FAM20C: variants seen among roughly 807,000 people sequenced by gnomAD.
FAM20C encodes the protein FAM20C golgi associated secretory pathway kinase, also known as extracellular serine/threonine protein kinase FAM20C.
FAM20C carries 40 observed loss-of-function variants against 51.5 expected under a neutral mutation model. That is an observed-to-expected ratio of 0.78 (90% CI 0.60 to 1.01). FAM20C has a LOEUF of 1.01. Among genes scored for constraint, FAM20C ranks in the 50% least tolerant of loss-of-function variants. The pLI, the probability that FAM20C is intolerant of heterozygous loss-of-function variation, is 0.00. For synonymous variants in FAM20C, 406 were observed against 380.6 expected, an observed-to-expected ratio of 1.07 and a Z score of -0.78; for missense variants, 861 against 844.7, an observed-to-expected ratio of 1.02 and a Z score of -0.24.
chr7:258,321 C>T (rs375478953), intron 8 of FAM20C, among the ~76,000 whole-genome samples: 1 of 77,448 alleles, frequency 1.3e-5, no homozygotes, highest in African/African-American at 5.3e-5. Flanking sequence ...GGACCCACTG[C>T]CCGGGGTGCT....
intron 3 of FAM20C, among the ~76,000 whole-genome samples, chr7:224,052 ATTGCG>A (rs1787357549): frequency 7.0e-6 from 1 of 142,838 alleles, no homozygotes; most frequent in Non-Finnish European, 1.6e-5. Flanking sequence ...GCCTTCTCTC[ATTGCG>A]CAGAATGGCA....
Position 259,771 on chromosome 7 carries a change from AAGG to A in FAM20C, c.1552_1554del (p.Glu518del). Reference sequence around the variant, plus strand: ...CTACCTGCGTCTGCAGCTCCTGGCCAAGGAGGAGTACAAGCTGAGCCTGCTGAT... The same window carrying A: ...CTACCTGCGTCTGCAGCTCCTGGCCAAGGAGTACAAGCTGAGCCTGCTGAT... On this transcript the variant is annotated inframe_deletion, in exon 10 of 10. Coordinates refer to ENST00000313766, the MANE Select transcript of FAM20C (RefSeq NM_020223.4). 6.5e-7 allele frequency: 1 copy of A among 1,536,630 alleles called. No homozygotes were observed. Among genetic ancestry groups the A allele is most frequent in the Non-Finnish European group, 8.7e-7 (1 of 1,146,754 alleles).
chr7:209,617 GT>G (rs1786607028), intron 3 of FAM20C, among the ~76,000 whole-genome samples: 1 of 152,238 alleles, frequency 6.6e-6, no homozygotes, highest in Admixed American at 6.5e-5. Context: ...GGTGAGGGGT[GT>G]GTGGACACCT....
intron 3 of FAM20C, among the ~76,000 whole-genome samples, chr7:236,892 G>C (rs1351523238): frequency 6.8e-6 from 1 of 147,314 alleles, no homozygotes; most frequent in African/African-American, 2.6e-5. Context: ...GGCTCATCTG[G>C]ATGCGTGGCC....
intron 8 of FAM20C, among the ~76,000 whole-genome samples, chr7:257,641 C>T (rs557775867): frequency 1.2e-3 from 190 of 152,318 alleles, no homozygotes; most frequent in Middle Eastern, 6.8e-3. Context: ...TGTGGGCTGA[C>T]GCTCCCTGGA....
intron 3 of FAM20C, among the ~76,000 whole-genome samples, chr7:226,546 C>T (rs921700922): frequency 3.3e-5 from 5 of 152,124 alleles, no homozygotes; most frequent in African/African-American, 1.2e-4. Flanking sequence ...GCCCCGTGTG[C>T]CCCCCGGTCG....
intron 2 of FAM20C, chr7:197,567 T>C (rs1012668759): frequency 6.1e-6 from 1 of 164,446 alleles, no homozygotes; most frequent in African/African-American, 2.4e-5. Flanking sequence ...AATGCAAGGA[T>C]AGGATGAGAT....
At chr7:257,796 G>A (rs867560595) in intron 8 of FAM20C, among the ~76,000 whole-genome samples, 1,664 of 97,156 alleles carry the variant, frequency 0.017, 1 homozygote, top group African/African-American at 0.031. Context: ...TGCTGGAGAT[G>A]GGCTGGGTGG....
intron 3 of FAM20C, among the ~76,000 whole-genome samples, chr7:235,411 C>T (rs1787817622): frequency 6.6e-6 from 1 of 152,278 alleles, no homozygotes; most frequent in African/African-American, 2.4e-5. Context: ...CCTACGTCCA[C>T]GTGAGGGGCT....
At chr7:196,380 T>C (rs1181694755) in intron 2 of FAM20C, among the ~76,000 whole-genome samples, 3 of 152,240 alleles carry the variant, frequency 2.0e-5, no homozygotes, top group African/African-American at 7.2e-5. Flanking sequence ...CTGCAGCTTC[T>C]GAGCGTGGAG....
Position 259,876 on chromosome 7 carries a change from C to T in FAM20C, c.1651C>T (p.Arg551Cys), listed in dbSNP as rs772938056. The change falls in exon 10 of 10, where the codon CGC (arginine) becomes TGC (cysteine). Residue 551 changes from arginine (R) to cysteine (C), a missense_variant. Physicochemically the swap from Arg to Cys is radical, Grantham distance 180. Coordinates refer to ENST00000313766, the MANE Select transcript of FAM20C (RefSeq NM_020223.4). ...PHLEALDRRL[R>C]VVLKAVRDCV... ...CCTGGAGGCCCTGGACCGGCGGCTC[C>T]GCGTCGTGCTAAAGGCCGTCCGGGA... The T allele has an allele frequency of 2.1e-5, 32 of 1,536,226 alleles. No individual in the cohort carries two copies. The highest frequency in any genetic ancestry group is 8.3e-5 in the South Asian group (7 of 84,042).
Position 193,529 on chromosome 7 carries a change from G to T in FAM20C, c.330G>T (p.Leu110=). The change falls in exon 1 of 10, where the codon CTG becomes CTT. Residue 110 remains leucine (L), a synonymous_variant. Coordinates refer to ENST00000313766, the MANE Select transcript of FAM20C (RefSeq NM_020223.4). Reference sequence around the variant, plus strand: ...TCTCGTCCCACTCGCTGGAGAAACTGCCGCCCGCGGCCGAGCCGGCCGAGC... The same window carrying T: ...TCTCGTCCCACTCGCTGGAGAAACTTCCGCCCGCGGCCGAGCCGGCCGAGC... ...SNLSSHSLEK[L]PPAAEPAERA... The T allele has an allele frequency of 6.7e-7, 1 of 1,495,948 alleles. No individual in the cohort carries two copies. Among genetic ancestry groups the T allele is most frequent in the Admixed American group, 2.2e-5 (1 of 45,862 alleles). The allele number at this position is 1,495,948 out of a possible 1,614,324, so 92.7% of individuals were successfully genotyped here.
Position 260,337 on chromosome 7 carries a change from C to T in FAM20C, c.*357C>T, listed in dbSNP as rs1281533864. 1 of 176,730 alleles carries T rather than the reference C, an allele frequency of 5.7e-6. No homozygotes were observed. Among genetic ancestry groups the T allele is most frequent in the Non-Finnish European group, 1.2e-5 (1 of 84,910 alleles). 10.9% of individuals were successfully genotyped at this position (176,730 alleles called of 1,614,324 possible). ...ACACAGATGCCAATCACCTACCAAA[C>T]CAAACACGAGGACCGCCCTCCCTGG... On this transcript the variant is annotated 3_prime_UTR_variant, in exon 10 of 10. Transcript: ENST00000313766.
At chr7:228,722 T>A in intron 3 of FAM20C, 2 of 456,260 alleles carry the variant, frequency 4.4e-6, no homozygotes, top group Non-Finnish European at 8.8e-6. Context: ...ACGGCACCTG[T>A]GGGTCCATCC....
At chr7:233,790 G>A (rs1787770616) in intron 3 of FAM20C, among the ~76,000 whole-genome samples, 1 of 152,214 alleles carries the variant, frequency 6.6e-6, no homozygotes, top group African/African-American at 2.4e-5. Context: ...AACTTTGGGG[G>A]ACCGTTATTC....
At position 236,698 on chromosome 7, in the gene FAM20C, G is replaced by A. The variant is rs1010824161; in HGVS notation, c.864-9717G>A. Among the ~76,000 whole-genome samples, 14 of 151,038 alleles carry A rather than the reference G, an allele frequency of 9.3e-5. 1 individual carries two copies. Among genetic ancestry groups the A allele is most frequent in the African/African-American group, 2.7e-4 (11 of 40,834 alleles). On this transcript the variant is annotated intron_variant, in intron 3 of 9. Transcript: ENST00000313766. ...ATGATGATAAGGATGGTTGATGGTC[G>A]GGGTTTCATGCGGAGGTGAGGCGGG...
At chr7:256,384 G>T (rs2115172368) in intron 6 of FAM20C, 1 of 573,092 alleles carries the variant, frequency 1.7e-6, no homozygotes, top group East Asian at 2.9e-5. Flanking sequence ...GTGTAGTCCA[G>T]GTCCTGTTTC....
In FAM20C at chr7:223,725, T is replaced by G. The variant is rs550184234; in HGVS notation, c.863+14749T>G. On this transcript the variant is annotated intron_variant, in intron 3 of 9. Coordinates refer to ENST00000313766, the MANE Select transcript of FAM20C (RefSeq NM_020223.4). ...GCGGATGCCGCAGGTGGTCCCGGCATTGGCCTTGCCGGCCCCAGGTAGAGG... is the reference window on the plus strand; with the variant it reads ...GCGGATGCCGCAGGTGGTCCCGGCAGTGGCCTTGCCGGCCCCAGGTAGAGG... Among the ~76,000 whole-genome samples, 4 of 152,360 alleles carry G rather than the reference T, an allele frequency of 2.6e-5. No individual in the cohort carries two copies. In the South Asian group the frequency reaches 8.3e-4, roughly 32 times the overall value.
chr7:232,915 G>A (rs1443662659), intron 3 of FAM20C, among the ~76,000 whole-genome samples: 1 of 152,254 alleles, frequency 6.6e-6, no homozygotes, highest in Non-Finnish European at 1.5e-5. Flanking sequence ...TGGGTCCTCT[G>A]CAGACCTCTG....
Sources: allele counts gnomAD v4.1 joint callset (sites outside exome capture counted in the v4.1 genomes callset), GRCh38; gene constraint gnomAD v4.1.1; transcripts MANE v1.5; gene names NCBI Gene and HGNC (gene_info 2026-07-23, HGNC 2026-07-21).